Variants in TSPEAR observed in about 807,000 individuals in gnomAD.
The protein encoded by TSPEAR is thrombospondin type laminin G domain and EAR repeats, also known as thrombospondin-type laminin G domain and EAR repeat-containing protein.
A neutral mutation model predicts 71.6 loss-of-function variants in TSPEAR; 69 were observed. That is an observed-to-expected ratio of 0.96 (90% CI 0.79 to 1.18). The LOEUF (loss-of-function observed/expected upper bound fraction) is 1.18. Ranked by LOEUF, TSPEAR falls within the 50% of genes most tolerant of loss-of-function variation. The pLI is 0.00. For synonymous variants in TSPEAR, 402 were observed against 387.2 expected, an observed-to-expected ratio of 1.04 and a Z score of -0.45; for missense variants, 971 against 894.9, an observed-to-expected ratio of 1.09 and a Z score of -1.09.
intron 11 of TSPEAR, 123 bp from the exon 12 acceptor site, chr21:44,500,059 C>G (rs1555910954): frequency 2.0e-6 from 2 of 1,017,594 alleles, no homozygotes; most frequent in African/African-American, 1.7e-5. Flanking sequence ...CTCTTCCATC[C>G]CCCCGACTGG....
Position 44,667,194 on chromosome 21 carries a change from G to C in TSPEAR, c.82+44239C>G, listed in dbSNP as rs373141352. ...CCTTGTTCTTTAAAATTTTACCTGA[G>C]TTACTTTTGTGAGATTCCAAAAACT... On this transcript the variant is annotated intron_variant, in intron 1 of 11. Transcript: ENST00000323084. Among the ~76,000 whole-genome samples the C allele has an allele frequency of 2.9e-4, 44 of 152,238 alleles. 1 individual carries two copies. The South Asian group carries it at 7.7e-3, about 27-fold the overall frequency.
At chr21:44,569,142 A>T (rs1294936940) in intron 1 of TSPEAR, among the ~76,000 whole-genome samples, 1 of 152,202 alleles carries the variant, frequency 6.6e-6, no homozygotes, top group East Asian at 1.9e-4. Flanking sequence ...CCACAGCTGC[A>T]GTGAGACTTC....
At chr21:44,502,081 C>T (rs187988549) in intron 11 of TSPEAR, among the ~76,000 whole-genome samples, 12 of 152,324 alleles carry the variant, frequency 7.9e-5, no homozygotes, top group African/African-American at 1.2e-4. Flanking sequence ...CAAGTGGCAT[C>T]GGGTCTAATA....
At chr21:44,515,903 C>T (rs2052551549) in intron 9 of TSPEAR, 1 of 152,304 alleles carries the variant, frequency 6.6e-6, no homozygotes, top group Non-Finnish European at 1.5e-5. Flanking sequence ...GAGACCCCAC[C>T]ATGGTGTGAG....
chr21:44,552,266 A>G (rs2053454300), intron 2 of TSPEAR, among the ~76,000 whole-genome samples: 1 of 152,098 alleles, frequency 6.6e-6, no homozygotes, highest in Non-Finnish European at 1.5e-5. Context: ...TGGGGTGGGC[A>G]AAGCCAGCCT....
In TSPEAR at chr21:44,707,306, G is replaced by GGT. The variant is rs1369024436; in HGVS notation, c.82+4126_82+4127insAC. ...GGGTGGGGAAAGGACGCGGGGTGGGGGGGGGTGCGGGGAGAGAGGACACAG... is the reference window on the plus strand; with the variant it reads ...GGGTGGGGAAAGGACGCGGGGTGGGGGTGGGGGTGCGGGGAGAGAGGACACAG... On this transcript the variant is annotated intron_variant, in intron 1 of 11. Transcript: ENST00000323084. 2.7e-4 allele frequency among the ~76,000 whole-genome samples: 41 copies of GGT among 152,188 alleles called. 1 individual carries two copies. Among genetic ancestry groups the GGT allele is most frequent in the Non-Finnish European group, 4.7e-4 (32 of 67,990 alleles).
chr21:44,580,471 G>A lies in TSPEAR; in HGVS notation c.83-12466C>T, dbSNP rs782614856. On this transcript the variant is annotated intron_variant, in intron 1 of 11. Transcript: ENST00000323084. ...TCACTGGGGTGCAGACCAGGGTCAG[G>A]CAGGGGGCGGTGCCGCAGGGGGGCT... 4.3e-6 allele frequency: 7 copies of A among 1,613,288 alleles called. No individual in the cohort carries two copies. The South Asian group carries it at 6.6e-5, about 15-fold the overall frequency.
At chr21:44,654,716 G>A in intron 1 of TSPEAR, 2 of 762,034 alleles carry the variant, frequency 2.6e-6, no homozygotes, top group Non-Finnish European at 4.2e-6. Flanking sequence ...CTGGCAACAA[G>A]CCCCCTGGCA....
chr21:44,567,188 G>T (rs1485728585), intron 2 of TSPEAR, among the ~76,000 whole-genome samples: 18 of 152,048 alleles, frequency 1.2e-4, no homozygotes, highest in Admixed American at 1.2e-3. Flanking sequence ...GAAAAACTGG[G>T]CAAAAAATTT....
At chr21:44,549,846 G>A (rs782531380) in intron 2 of TSPEAR, among the ~76,000 whole-genome samples, 1 of 152,208 alleles carries the variant, frequency 6.6e-6, no homozygotes, top group African/African-American at 2.4e-5. Flanking sequence ...TGGAGGCCGC[G>A]TCTCTGTTCT....
intron 1 of TSPEAR, chr21:44,654,304 A>G: frequency 6.2e-7 from 1 of 1,613,936 alleles, no homozygotes; most frequent in Non-Finnish European, 8.5e-7. Flanking sequence ...GCTCCAGGTG[A>G]CAGGTCTATA....
intron 2 of TSPEAR, among the ~76,000 whole-genome samples, chr21:44,552,277 G>C (rs371216589): frequency 4.6e-5 from 7 of 152,250 alleles, no homozygotes; most frequent in African/African-American, 1.7e-4. Flanking sequence ...AAGCCAGCCT[G>C]TGCTTGGGAG....
Position 44,529,971 on chromosome 21 carries a change from A to G in TSPEAR, c.634-17T>C, listed in dbSNP as rs1049626349. 2.5e-6 allele frequency: 4 copies of G among 1,571,330 alleles called. No homozygotes were observed. The highest frequency in any genetic ancestry group is 1.7e-4 in the Middle Eastern group (1 of 5,858). On this transcript the variant is annotated splice_polypyrimidine_tract_variant and intron_variant, in intron 4 of 11. Coordinates refer to ENST00000323084, the MANE Select transcript of TSPEAR (RefSeq NM_144991.3). ...CACCAGTCCCTGCAGAGAGAGGGACAGCTCCTTCAGGCCCGCGCTGCTGGG... is the reference window on the plus strand; with the variant it reads ...CACCAGTCCCTGCAGAGAGAGGGACGGCTCCTTCAGGCCCGCGCTGCTGGG...
intron 1 of TSPEAR, among the ~76,000 whole-genome samples, chr21:44,707,187 G>C (rs1432778301): frequency 6.6e-6 from 1 of 152,232 alleles, no homozygotes; most frequent in Non-Finnish European, 1.5e-5. Context: ...ATTAGGACGG[G>C]GGTGACAGCC....
intron 1 of TSPEAR, chr21:44,666,728 G>A (rs782366210): frequency 1.4e-5 from 23 of 1,613,458 alleles, no homozygotes; most frequent in Middle Eastern, 1.6e-4. Flanking sequence ...GCAGGCACAC[G>A]GCTGGCTTGA....
intron 1 of TSPEAR, among the ~76,000 whole-genome samples, chr21:44,626,918 C>T (rs1982828247): frequency 6.6e-6 from 1 of 152,078 alleles, no homozygotes; most frequent in Non-Finnish European, 1.5e-5. Flanking sequence ...GTTCCACATG[C>T]AACAGACTAT....
intron 1 of TSPEAR, among the ~76,000 whole-genome samples, chr21:44,678,751 T>C (rs1333576046): frequency 1.3e-5 from 2 of 152,136 alleles, no homozygotes; most frequent in Non-Finnish European, 2.9e-5. Flanking sequence ...AAAAAACTAT[T>C]AGAACTGATA....
chr21:44,681,795 T>A, intron 1 of TSPEAR: 7 of 1,577,952 alleles, frequency 4.4e-6, no homozygotes, highest in Non-Finnish European at 6.0e-6. Flanking sequence ...AGGTGTGGCC[T>A]CATCTGCACT....
chr21:44,670,950 C>G (rs1230051529), intron 1 of TSPEAR, among the ~76,000 whole-genome samples: 7 of 152,232 alleles, frequency 4.6e-5, no homozygotes, highest in African/African-American at 1.4e-4. Flanking sequence ...ACCCTGAGTA[C>G]AGGCTTTCCC....
Sources: gnomAD v4.1 joint callset for allele counts (sites outside exome capture counted in the v4.1 genomes callset) on GRCh38, gnomAD v4.1.1 for gene constraint, MANE v1.5 for transcripts, NCBI Gene and HGNC (gene_info 2026-07-23, HGNC 2026-07-21) for gene names.